Variants in TMEM207 observed in about 807,000 individuals in gnomAD.
TMEM207 encodes SRSR846.
TMEM207 carries 15 observed loss-of-function variants against 17.4 expected under a neutral mutation model. The observed-to-expected ratio is 0.86, with a 90% confidence interval of 0.58 to 1.33. The LOEUF (loss-of-function observed/expected upper bound fraction) is 1.33. Ranked by LOEUF, TMEM207 falls within the 40% of genes most tolerant of loss-of-function variation. The pLI, the probability that TMEM207 is intolerant of heterozygous loss-of-function variation, is 0.00. For synonymous variants in TMEM207, 70 were observed against 65.6 expected, an observed-to-expected ratio of 1.07 and a Z score of -0.33; for missense variants, 205 against 173.8, an observed-to-expected ratio of 1.18 and a Z score of -1.01.
intron 4 of TMEM207, among the ~76,000 whole-genome samples, chr3:190,432,567 G>T (rs2108531631): frequency 6.6e-6 from 1 of 152,180 alleles, no homozygotes; most frequent in Non-Finnish European, 1.5e-5. Context: ...TTTTATTACT[G>T]AAAATAAGTC....
intron 1 of TMEM207, among the ~76,000 whole-genome samples, chr3:190,449,139 G>A (rs575072404): frequency 1.3e-5 from 2 of 152,196 alleles, no homozygotes; most frequent in South Asian, 4.2e-4. Flanking sequence ...TAAATTATTA[G>A]CACCTCACTG....
chr3:190,447,973 C>A, intron 1 of TMEM207, 146 bp from the exon 2 acceptor site: 1 of 612,190 alleles, frequency 1.6e-6, no homozygotes, highest in Non-Finnish European at 2.5e-6. Context: ...ATTGTTGGTA[C>A]ACAGAATTTT....
In TMEM207 at chr3:190,447,700, C is replaced by T. The variant is rs1469603569; in HGVS notation, c.113+90G>A. Reference sequence around the variant, plus strand: ...ATTATAATGATCATTTGAAACTCAACTGGGCTTTTTCTAATGGCTTGAGCC... The same window carrying T: ...ATTATAATGATCATTTGAAACTCAATTGGGCTTTTTCTAATGGCTTGAGCC... On this transcript the variant is annotated intron_variant, in intron 2 of 4. Coordinates refer to ENST00000354905, the MANE Select transcript of TMEM207 (RefSeq NM_207316.3). 2.3e-6 allele frequency: 3 copies of T among 1,325,160 alleles called. No individual in the cohort carries two copies. In the South Asian group the frequency reaches 4.1e-5, roughly 18 times the overall value. 82.1% of individuals were successfully genotyped at this position (1,325,160 alleles called of 1,614,324 possible).
chr3:190,437,772 C>A (rs1719834980), intron 4 of TMEM207, among the ~76,000 whole-genome samples: 1 of 151,952 alleles, frequency 6.6e-6, no homozygotes, highest in Non-Finnish European at 1.5e-5. Context: ...GACTATAAAT[C>A]ATGCTGCTAT....
At chr3:190,449,151 C>T (rs987841323) in intron 1 of TMEM207, among the ~76,000 whole-genome samples, 1 of 152,130 alleles carries the variant, frequency 6.6e-6, no homozygotes, top group Admixed American at 6.6e-5. Flanking sequence ...ACCTCACTGC[C>T]AACACATTAG....
At chr3:190,443,934 G>T (rs1719990872) in intron 2 of TMEM207, among the ~76,000 whole-genome samples, 3 of 152,134 alleles carry the variant, frequency 2.0e-5, no homozygotes, top group Admixed American at 2.0e-4. Context: ...ATTGTTGAGG[G>T]AGATAATTTC....
intron 2 of TMEM207, among the ~76,000 whole-genome samples, chr3:190,443,862 G>A (rs1306388603): frequency 6.6e-6 from 1 of 152,144 alleles, no homozygotes. Context: ...ATCATCGGGG[G>A]GAAGTGAGAG....
chr3:190,432,547 A>G (rs1008271923), intron 4 of TMEM207, among the ~76,000 whole-genome samples: 1 of 152,224 alleles, frequency 6.6e-6, no homozygotes, highest in African/African-American at 2.4e-5. Flanking sequence ...TGTGAATGAA[A>G]TACTTCCTTT....
At chr3:190,442,512 T>TA (rs1310782248) in intron 2 of TMEM207, among the ~76,000 whole-genome samples, 1 of 152,206 alleles carries the variant, frequency 6.6e-6, no homozygotes, top group Non-Finnish European at 1.5e-5. Flanking sequence ...TTAAAAATTC[T>TA]ATCACAAACA....
At chr3:190,436,026 T>C (rs529204504) in intron 4 of TMEM207, among the ~76,000 whole-genome samples, 1 of 152,350 alleles carries the variant, frequency 6.6e-6, no homozygotes, top group Admixed American at 6.5e-5. Context: ...GCACAATTTG[T>C]CCACCTCAGT....
intron 2 of TMEM207, chr3:190,444,471 G>A (rs919592185): frequency 1.5e-5 from 15 of 983,160 alleles, no homozygotes; most frequent in South Asian, 9.4e-5. Context: ...CCAGTATCCC[G>A]TGTTCCAAAT....
intron 4 of TMEM207, among the ~76,000 whole-genome samples, chr3:190,437,278 C>A (rs1422452858): frequency 6.6e-6 from 1 of 152,138 alleles, no homozygotes; most frequent in African/African-American, 2.4e-5. Flanking sequence ...CAGGGATGGG[C>A]TGGGCTGTGA....
At chr3:190,443,576 T>C (rs6791513) in intron 2 of TMEM207, among the ~76,000 whole-genome samples, 23,111 of 151,808 alleles carry the variant, frequency 0.15, 1,941 homozygotes, top group African/African-American at 0.19. Context: ...AGACTTAAGG[T>C]GGAGAGAGGA....
chr3:190,432,397 T>A (rs971164112), intron 4 of TMEM207, among the ~76,000 whole-genome samples: 4 of 152,150 alleles, frequency 2.6e-5, no homozygotes, highest in Non-Finnish European at 5.9e-5. Context: ...GGTAGAGTGG[T>A]CAGAATGATA....
At chr3:190,434,909 G>GA (rs935969970) in intron 4 of TMEM207, among the ~76,000 whole-genome samples, 13 of 151,988 alleles carry the variant, frequency 8.6e-5, no homozygotes, top group African/African-American at 2.9e-4. Flanking sequence ...AAGTGGGGCT[G>GA]AAGAAAAAAA....
intron 4 of TMEM207, among the ~76,000 whole-genome samples, chr3:190,430,023 CACAGA>C (rs1375463055): frequency 1.3e-5 from 2 of 152,114 alleles, no homozygotes; most frequent in Non-Finnish European, 2.9e-5. Flanking sequence ...TTTTGTAGAT[CACAGA>C]ACAGGATTCC....
chr3:190,432,082 C>T (rs764021567), intron 4 of TMEM207, among the ~76,000 whole-genome samples: 1 of 152,044 alleles, frequency 6.6e-6, no homozygotes. Flanking sequence ...ATTAAAAATG[C>T]CAGCAAAAAT....
Position 190,449,891 on chromosome 3 carries a change from T to C in TMEM207, c.-82A>G. ...TTCTCAGAACTTACTAGCTTCTCTA[T>C]AAGTTATGCTTCCTACCAGGACATG... On this transcript the variant is annotated 5_prime_UTR_variant, in exon 1 of 5. Transcript: ENST00000354905. The C allele has an allele frequency of 1.6e-6, 2 of 1,266,738 alleles. No homozygotes were observed. The highest frequency in any genetic ancestry group is 2.4e-5 in the South Asian group (2 of 81,662). The allele number at this position is 1,266,738 out of a possible 1,614,324, so 78.5% of individuals were successfully genotyped here.
chr3:190,433,015 A>G (rs1210237993), intron 4 of TMEM207, among the ~76,000 whole-genome samples: 1 of 152,192 alleles, frequency 6.6e-6, no homozygotes, highest in Admixed American at 6.5e-5. Context: ...ACCCAGCTCC[A>G]ATCCACACAC....
Sources: gnomAD v4.1 joint callset for allele counts (sites outside exome capture counted in the v4.1 genomes callset) on GRCh38, gnomAD v4.1.1 for gene constraint, MANE v1.5 for transcripts, NCBI Gene and HGNC (gene_info 2026-07-23, HGNC 2026-07-21) for gene names.